Variants in FGF12 observed in about 807,000 individuals in gnomAD.
FGF12 encodes the protein fibroblast growth factor 12.
In FGF12, 14 loss-of-function variants were observed where a neutral mutation model predicts 23.6. That is an observed-to-expected ratio of 0.59 (90% CI 0.39 to 0.93). FGF12 has a LOEUF of 0.93. Among genes scored for constraint, FGF12 ranks in the 40% least tolerant of loss-of-function variants. The pLI is 0.00. For missense variants in FGF12, 175 were observed against 217.8 expected (o/e 0.80, Z 1.24); for synonymous variants, 62 against 77.3 (o/e 0.80, Z 1.04).
intron 2 of FGF12, among the ~76,000 whole-genome samples, chr3:192,654,337 A>G (rs1354468042): frequency 6.6e-6 from 1 of 152,156 alleles, no homozygotes; most frequent in Non-Finnish European, 1.5e-5. Flanking sequence ...TTTTGAGATA[A>G]TTGATTGCTA....
chr3:192,641,384 C>G, intron 2 of FGF12, among the ~76,000 whole-genome samples: 1 of 53,670 alleles, frequency 1.9e-5, no homozygotes, highest in African/African-American at 6.4e-5. Flanking sequence ...GGATTACAGG[C>G]GTGAGCCACC....
Position 192,562,153 on chromosome 3 carries a change from G to C in FGF12, c.13+165028C>G, listed in dbSNP as rs77842906. 3.3e-3 allele frequency among the ~76,000 whole-genome samples: 508 copies of C among 152,186 alleles called. 8 individuals carry two copies. The East Asian group carries it at 0.064, about 19-fold the overall frequency. ...TAGGAAGAAGTTTCAAAATAGTATAGACTGAAAAAATTCATTTATATGCAA... is the reference window on the plus strand; with the variant it reads ...TAGGAAGAAGTTTCAAAATAGTATACACTGAAAAAATTCATTTATATGCAA... On this transcript the variant is annotated intron_variant, in intron 2 of 5. Coordinates refer to ENST00000445105, the MANE Select transcript of FGF12 (RefSeq NM_004113.6).
At chr3:192,250,089 G>A (rs912959703) in intron 4 of FGF12, among the ~76,000 whole-genome samples, 3 of 152,072 alleles carry the variant, frequency 2.0e-5, no homozygotes, top group African/African-American at 4.8e-5. Context: ...CTTAGTACTC[G>A]AAGTGTGCAC....
chr3:192,543,488 T>G (rs948733931), intron 2 of FGF12, among the ~76,000 whole-genome samples: 38 of 152,152 alleles, frequency 2.5e-4, no homozygotes, highest in Non-Finnish European at 3.4e-4. Flanking sequence ...AGAGTCTGCT[T>G]GGTGCTCTAC....
At chr3:192,205,861 A>C (rs1717622080) in intron 4 of FGF12, among the ~76,000 whole-genome samples, 1 of 151,924 alleles carries the variant, frequency 6.6e-6, no homozygotes, top group African/African-American at 2.4e-5. Flanking sequence ...AGGGACACAG[A>C]AGAAGACCTC....
intron 2 of FGF12, among the ~76,000 whole-genome samples, chr3:192,620,348 C>T (rs993758249): frequency 6.6e-6 from 1 of 152,262 alleles, no homozygotes; most frequent in Middle Eastern, 3.4e-3. Context: ...TTTATAAGCA[C>T]TCCTTACAGT....
intron 3 of FGF12, among the ~76,000 whole-genome samples, chr3:192,337,851 A>C (rs924480138): frequency 6.6e-6 from 1 of 152,196 alleles, no homozygotes; most frequent in Non-Finnish European, 1.5e-5. Context: ...ATATTACCTC[A>C]GTAATATTTT....
chr3:192,427,908 C>T (rs193017068), intron 2 of FGF12, among the ~76,000 whole-genome samples: 174 of 152,322 alleles, frequency 1.1e-3, no homozygotes, highest in African/African-American at 4.1e-3. Context: ...GAAACAATAT[C>T]CCTCTTGATT....
intron 2 of FGF12, among the ~76,000 whole-genome samples, chr3:192,444,757 C>T (rs1268401544): frequency 2.0e-5 from 3 of 152,220 alleles, no homozygotes; most frequent in Non-Finnish European, 2.9e-5. Context: ...TTCGGCTTAG[C>T]TCTCAAAACA....
At chr3:192,524,886 G>T (rs1022588207) in intron 2 of FGF12, among the ~76,000 whole-genome samples, 1 of 151,874 alleles carries the variant, frequency 6.6e-6, no homozygotes, top group Non-Finnish European at 1.5e-5. Flanking sequence ...TCTCACCAAA[G>T]TTCTTTTTAT....
intron 2 of FGF12, among the ~76,000 whole-genome samples, chr3:192,607,380 C>G (rs911674418): frequency 6.6e-6 from 1 of 152,032 alleles, no homozygotes; most frequent in Non-Finnish European, 1.5e-5. Context: ...TAAGGAAGAA[C>G]GAAGAATGTG....
chr3:192,146,019 G>A (rs577215332), intron 5 of FGF12, among the ~76,000 whole-genome samples: 2 of 152,156 alleles, frequency 1.3e-5, no homozygotes, highest in East Asian at 1.9e-4. Context: ...ACAGGGGAAC[G>A]CAAGAAGCAA....
intron 4 of FGF12, among the ~76,000 whole-genome samples, chr3:192,313,830 T>G (rs2108675453): frequency 6.6e-6 from 1 of 152,268 alleles, no homozygotes; most frequent in Middle Eastern, 3.4e-3. Context: ...CACAGTTAAG[T>G]TTTTGGTCTA....
intron 2 of FGF12, among the ~76,000 whole-genome samples, chr3:192,713,739 C>T (rs113848087): frequency 6.6e-6 from 1 of 152,244 alleles, no homozygotes; most frequent in African/African-American, 2.4e-5. Flanking sequence ...AAATCTTGTT[C>T]ATAAATCTTT....
intron 5 of FGF12, among the ~76,000 whole-genome samples, chr3:192,147,307 T>C (rs1713779638): frequency 6.6e-6 from 1 of 152,186 alleles, no homozygotes; most frequent in African/African-American, 2.4e-5. Flanking sequence ...CTCAATCAAA[T>C]TTCTGAATTA....
chr3:192,644,470 A>G (rs1280333591), intron 2 of FGF12, among the ~76,000 whole-genome samples: 1 of 152,144 alleles, frequency 6.6e-6, no homozygotes, highest in Non-Finnish European at 1.5e-5. Context: ...TGATGGTTTC[A>G]TCATGATTCA....
intron 2 of FGF12, among the ~76,000 whole-genome samples, chr3:192,599,190 C>T (rs1241979767): frequency 6.6e-6 from 1 of 151,534 alleles, no homozygotes; most frequent in Non-Finnish European, 1.5e-5. Flanking sequence ...AGCAAACCAC[C>T]ATGGCACGTG....
chr3:192,538,008 G>C (rs921606143), intron 2 of FGF12, among the ~76,000 whole-genome samples: 1 of 143,088 alleles, frequency 7.0e-6, no homozygotes, highest in Non-Finnish European at 1.5e-5. Context: ...GTGCAATGGT[G>C]CGATCTCGGC....
At chr3:192,554,303 T>C (rs1054234667) in intron 2 of FGF12, among the ~76,000 whole-genome samples, 5 of 152,276 alleles carry the variant, frequency 3.3e-5, no homozygotes, top group Non-Finnish European at 7.4e-5. Context: ...TGGGGGGAAT[T>C]GTTTCTGTGT....
Sources: allele counts gnomAD v4.1 joint callset (sites outside exome capture counted in the v4.1 genomes callset), GRCh38; gene constraint gnomAD v4.1.1; transcripts MANE v1.5; gene names NCBI Gene and HGNC (gene_info 2026-07-23, HGNC 2026-07-21).